The following HELLS variants were observed in gnomAD, a reference collection of about 807,000 sequenced individuals.
HELLS encodes the protein lymphoid-specific helicase.
In HELLS, 32 loss-of-function variants were observed where a neutral mutation model predicts 120.0. The observed-to-expected ratio is 0.27, with a 90% CI of 0.20 to 0.36. The LOEUF (loss-of-function observed/expected upper bound fraction) is 0.36. Among genes scored for constraint, HELLS ranks in the 10% least tolerant of loss-of-function variants. HELLS has a pLI of 1.00. For missense variants in HELLS, 650 were observed against 993.4 expected, an observed-to-expected ratio of 0.65 and a Z score of 4.65; for synonymous variants, 341 against 323.4, an observed-to-expected ratio of 1.05 and a Z score of -0.58.
rs768508211 is a variant in HELLS, at chr10:94,590,570, A to G, written c.1628+18A>G. 3.1e-6 allele frequency: 5 copies of G among 1,610,708 alleles called. No homozygotes were observed. In the South Asian group the frequency reaches 4.4e-5, roughly 14 times the overall value. On this transcript the variant is annotated intron_variant, in intron 14 of 21. Transcript: ENST00000348459. ...CGAGAAAGGTTTGAATTCAAAAGTG[A>G]ATTTAAGTATTCTTTAAACTGTGAC...
chr10:94,586,195 A>T (rs1373941243), intron 12 of HELLS, among the ~76,000 whole-genome samples: 2 of 152,062 alleles, frequency 1.3e-5, no homozygotes, highest in East Asian at 3.9e-4. Flanking sequence ...ATCTCGGCTC[A>T]CTGCAAGCTG....
At position 94,590,465 on chromosome 10, in the gene HELLS, A is replaced by C; in HGVS notation, c.1541A>C (p.Lys514Thr). 6.2e-7 allele frequency: 1 copy of C among 1,612,446 alleles called. No individual in the cohort carries two copies. The highest frequency in any genetic ancestry group is 8.5e-7 in the Non-Finnish European group (1 of 1,179,668). ...PTGRPKRRTRKSINYSKIDDF... is the reference protein window; with the variant it reads ...PTGRPKRRTRTSINYSKIDDF... The stretch of plus-strand genomic sequence containing the variant: ...GGTCGACCAAAACGACGAACTAGAA[A>C]ATCAATAAATTACAGCAAAATAGAT... The change falls in exon 14 of 22, where the codon AAA becomes ACA. Residue 514 changes from lysine (K) to threonine (T), a missense_variant. Lys to Thr is a moderately conservative substitution (Grantham distance 78). This residue lies in a region of HELLS where 191 missense variants were observed against 259.7 expected (regional missense o/e 0.74). Transcript: ENST00000348459.
At chr10:94,566,968 T>C (rs1843831600) in intron 6 of HELLS, among the ~76,000 whole-genome samples, 2 of 152,138 alleles carry the variant, frequency 1.3e-5, no homozygotes, top group African/African-American at 4.8e-5. Context: ...TACCAGTTAT[T>C]CTTTCATTTA....
rs774789284 is a variant in HELLS, at chr10:94,582,955, T to C, written c.1230-8T>C. ...GTGATGGTTAACTTAAACATTTTTC[T>C]CTTCCAGCTTTGAGTCTTGGTTTGA... is the stretch of plus-strand genomic sequence containing the variant. On this transcript the variant is annotated splice_region_variant and splice_polypyrimidine_tract_variant and intron_variant, in intron 11 of 21. Coordinates refer to ENST00000348459, the MANE Select transcript of HELLS (RefSeq NM_018063.5). 1 of 1,529,354 alleles carries C rather than the reference T, an allele frequency of 6.5e-7. No homozygotes were observed. The highest frequency in any genetic ancestry group is 9.0e-7 in the Non-Finnish European group (1 of 1,116,880). The allele number at this position is 1,529,354 out of a possible 1,614,324, so 94.7% of individuals were successfully genotyped here. A position where few individuals can be genotyped will look rare whatever the true frequency, so the allele number is the denominator to read the frequency against.
At chr10:94,612,122 T>C (rs913145852) in exon 10 of HELLS, 1 of 152,188 alleles carries the variant, frequency 6.6e-6, no homozygotes, top group Non-Finnish European at 1.5e-5. Flanking sequence ...CAAACCAGTG[T>C]TTGGGGGCAT....
intron 11 of HELLS, among the ~76,000 whole-genome samples, chr10:94,582,024 CAT>C (rs1255616089): frequency 1.2e-4 from 19 of 152,182 alleles, no homozygotes; most frequent in Admixed American, 1.2e-3. Context: ...TAAAATCAGA[CAT>C]AAAAGTAGTT....
At chr10:94,563,056 A>G (rs1843630624) in intron 6 of HELLS, among the ~76,000 whole-genome samples, 180 bp downstream of exon 6, 1 of 151,926 alleles carries the variant, frequency 6.6e-6, no homozygotes, top group Admixed American at 6.6e-5. Context: ...ACCAACCTAC[A>G]GTAGACTTGA....
rs776671744 is a variant in HELLS at position 94,596,031 on chromosome 10, GGTT to G, written c.2249-825_2249-823del. Among the ~76,000 whole-genome samples the G allele has an allele frequency of 1.7e-3, 262 of 152,200 alleles. 2 individuals are homozygous for G. Among genetic ancestry groups the G allele is most frequent in the Non-Finnish European group, 2.9e-3 (194 of 68,016 alleles). ...AGAGACCATTTAACTTTTTTACCCA[GGTT>G]GTTCTCGAACACCTGGACTCAAGTG... On this transcript the variant is annotated intron_variant, in intron 19 of 21. Coordinates refer to ENST00000348459, the MANE Select transcript of HELLS (RefSeq NM_018063.5).
chr10:94,565,709 T>G (rs1434220946), intron 6 of HELLS, among the ~76,000 whole-genome samples: 1 of 152,072 alleles, frequency 6.6e-6, no homozygotes, highest in East Asian at 1.9e-4. Flanking sequence ...AAAACCACTT[T>G]TAATATGCCA....
chr10:94,605,236 C>T (rs953137487), downstream of HELLS, among the ~76,000 whole-genome samples: 12 of 152,008 alleles, frequency 7.9e-5, no homozygotes, highest in African/African-American at 2.9e-4. Context: ...GCGCCCACCA[C>T]CATGCCCAGC....
At chr10:94,547,517 A>G (rs778354385) in intron 2 of HELLS, among the ~76,000 whole-genome samples, 10 of 152,226 alleles carry the variant, frequency 6.6e-5, no homozygotes, top group Non-Finnish European at 1.5e-4. Flanking sequence ...TTTTGTCAGC[A>G]TTGTTAATAC....
intron 2 of HELLS, among the ~76,000 whole-genome samples, chr10:94,553,358 C>T (rs960873401): frequency 2.0e-5 from 3 of 151,870 alleles, no homozygotes; most frequent in Non-Finnish European, 2.9e-5. Flanking sequence ...AAGCAATTCT[C>T]CTGCCTCAGC....
At position 94,558,178 on chromosome 10, in the gene HELLS, T is replaced by C; in HGVS notation, c.316T>C (p.Ser106Pro). ...KKEKLERKKESLKVKKGKNSI... is the reference protein window; with the variant it reads ...KKEKLERKKEPLKVKKGKNSI... ...AGAAAAATTGGAGAGAAAAAAGGAG[T>C]CTTTAAAAGTTAAAAAGGTAATATA... Residue 106 changes from serine (S) to proline (P), a missense_variant, in exon 4 of 22, where the codon TCT (serine) becomes CCT (proline). Physicochemically the swap from Ser to Pro is moderately conservative, Grantham distance 74. Coordinates refer to ENST00000348459, the MANE Select transcript of HELLS (RefSeq NM_018063.5). The C allele has an allele frequency of 6.4e-7, 1 of 1,563,596 alleles. No homozygotes were observed. The highest frequency in any genetic ancestry group is 8.6e-7 in the Non-Finnish European group (1 of 1,163,264).
At chr10:94,552,811 A>C (rs866230869) in intron 2 of HELLS, among the ~76,000 whole-genome samples, 109 of 151,256 alleles carry the variant, frequency 7.2e-4, no homozygotes, top group Non-Finnish European at 1.2e-3. Flanking sequence ...GTCTTTACAA[A>C]AAAAAAAAAT....
intron 12 of HELLS, among the ~76,000 whole-genome samples, chr10:94,585,349 GT>G (rs1407930177): frequency 1.7e-5 from 2 of 120,020 alleles, no homozygotes; most frequent in African/African-American, 3.3e-5. Flanking sequence ...ATAACTAATA[GT>G]TTTTTTGTTT....
At chr10:94,597,225 G>A in intron 21 of HELLS, 114 bp downstream of exon 21, 1 of 574,318 alleles carries the variant, frequency 1.7e-6, no homozygotes, top group Non-Finnish European at 3.0e-6. Flanking sequence ...TTGTTTTATT[G>A]TCATTTTTCT....
intron 4 of HELLS, 88 bp from the exon 5 acceptor site, chr10:94,562,603 A>AT (rs1210595642): frequency 2.2e-6 from 2 of 895,958 alleles, no homozygotes; most frequent in Admixed American, 2.4e-5. Context: ...CAGGAAACAT[A>AT]TTTTTTCTCA....
Position 94,558,168 on chromosome 10 carries a change from A to G in HELLS, c.306A>G (p.Arg102=), listed in dbSNP as rs571640753. Residue 102 remains arginine (R), a synonymous_variant, in exon 4 of 22, where the codon AGA becomes AGG. Transcript: ENST00000348459. The stretch of plus-strand genomic sequence containing the variant: ...AGAAGAAGAAAGAAAAATTGGAGAG[A>G]AAAAAGGAGTCTTTAAAAGTTAAAA... ...EEQKKKEKLE[R]KKESLKVKKG... The G allele has an allele frequency of 3.2e-6, 5 of 1,569,930 alleles. No homozygotes were observed. Among genetic ancestry groups the G allele is most frequent in the Non-Finnish European group, 4.3e-6 (5 of 1,165,552 alleles).
intron 12 of HELLS, among the ~76,000 whole-genome samples, chr10:94,585,896 A>G (rs143052299): frequency 3.4e-4 from 52 of 152,136 alleles, no homozygotes; most frequent in Admixed American, 3.3e-4. Context: ...TGGGTCTTGT[A>G]TAAGTCTTGT....
Sources: gnomAD v4.1 joint callset for allele counts (sites outside exome capture counted in the v4.1 genomes callset) on GRCh38, gnomAD v4.1.1 for gene constraint, gnomAD v4.1.1 regional missense constraint, MANE v1.5 for transcripts, NCBI Gene and HGNC (gene_info 2026-07-23, HGNC 2026-07-21) for gene names.